MACROD2: variants seen among roughly 807,000 people sequenced by gnomAD.
MACROD2 encodes mono-ADP ribosylhydrolase 2.
A neutral mutation model predicts 70.4 loss-of-function variants in MACROD2; 36 were observed. That is an observed-to-expected ratio of 0.51 (90% CI 0.39 to 0.68). The LOEUF (loss-of-function observed/expected upper bound fraction) is 0.68. MACROD2 is among the 30% of genes least tolerant of loss of function. The pLI, the probability that MACROD2 is intolerant of heterozygous loss-of-function variation, is 0.00. For missense variants in MACROD2, 496 were observed against 538.4 expected (o/e 0.92, Z 0.78); for synonymous variants, 172 against 178.8 (o/e 0.96, Z 0.30).
intron 4 of MACROD2, among the ~76,000 whole-genome samples, chr20:14,558,895 T>C (rs1979239037): frequency 6.6e-6 from 1 of 151,638 alleles, no homozygotes. Flanking sequence ...ATTTATACCA[T>C]ATAGACAAGG....
intron 15 of MACROD2, among the ~76,000 whole-genome samples, chr20:15,997,177 A>T (rs1412914592): frequency 2.6e-5 from 4 of 151,982 alleles, no homozygotes; most frequent in African/African-American, 9.7e-5. Context: ...GATTGCTTTG[A>T]CTATTTGGGA....
chr20:15,614,862 G>GA (rs1046476543), intron 8 of MACROD2, among the ~76,000 whole-genome samples: 34 of 151,122 alleles, frequency 2.2e-4, no homozygotes, highest in African/African-American at 6.1e-4. Flanking sequence ...CTATTCAAGA[G>GA]AAAAAAAAAT....
At chr20:14,455,658 G>C (rs1051927551) in intron 3 of MACROD2, among the ~76,000 whole-genome samples, 2 of 151,660 alleles carry the variant, frequency 1.3e-5, no homozygotes, top group Non-Finnish European at 2.9e-5. Flanking sequence ...CTAAGCAATA[G>C]AATACATAAT....
chr20:14,735,390 GCGTCCACA>G (rs1201571309), intron 5 of MACROD2, among the ~76,000 whole-genome samples: 2 of 152,108 alleles, frequency 1.3e-5, no homozygotes, highest in Non-Finnish European at 2.9e-5. Context: ...ACATGAACAG[GCGTCCACA>G]CTGTCAGTCA....
intron 6 of MACROD2, among the ~76,000 whole-genome samples, chr20:15,307,584 C>T (rs1251895169): frequency 6.6e-6 from 1 of 152,148 alleles, no homozygotes; most frequent in East Asian, 1.9e-4. Context: ...GAACATAATG[C>T]CCTTTACCCC....
intron 6 of MACROD2, among the ~76,000 whole-genome samples, chr20:15,360,566 C>T (rs1322063293): frequency 6.6e-6 from 1 of 151,918 alleles, no homozygotes; most frequent in Non-Finnish European, 1.5e-5. Flanking sequence ...AAAAGTTTAT[C>T]TTAACTTTTA....
At chr20:15,029,567 T>C (rs1260711811) in intron 5 of MACROD2, among the ~76,000 whole-genome samples, 1 of 152,134 alleles carries the variant, frequency 6.6e-6, no homozygotes, top group Non-Finnish European at 1.5e-5. Context: ...GGAAAGAGTT[T>C]CACAAGTCAG....
chr20:15,296,486 A>G (rs1028459541), intron 6 of MACROD2, among the ~76,000 whole-genome samples: 3 of 152,186 alleles, frequency 2.0e-5, no homozygotes, highest in Non-Finnish European at 2.9e-5. Flanking sequence ...TCTGTGGTCA[A>G]AAACAAACAT....
intron 3 of MACROD2, among the ~76,000 whole-genome samples, chr20:14,434,806 T>C (rs1036659848): frequency 6.6e-6 from 1 of 152,174 alleles, no homozygotes; most frequent in Non-Finnish European, 1.5e-5. Flanking sequence ...TTTTTTCCTC[T>C]TTCATCCACT....
At chr20:14,176,977 T>C (rs1273028266) in intron 3 of MACROD2, among the ~76,000 whole-genome samples, 1 of 152,186 alleles carries the variant, frequency 6.6e-6, no homozygotes, top group Admixed American at 6.5e-5. Context: ...GTGAGAAATA[T>C]GCAAAACCTG....
At chr20:16,019,083 G>A (rs557978251) in intron 15 of MACROD2, among the ~76,000 whole-genome samples, 1 of 152,216 alleles carries the variant, frequency 6.6e-6, no homozygotes, top group African/African-American at 2.4e-5. Flanking sequence ...CACTGTTTGG[G>A]CATCATTCAT....
chr20:15,261,678 A>G (rs545879901), intron 6 of MACROD2, among the ~76,000 whole-genome samples: 1 of 152,152 alleles, frequency 6.6e-6, no homozygotes, highest in Non-Finnish European at 1.5e-5. Flanking sequence ...CTGTTTGTAT[A>G]GAACAATTAG....
chr20:14,720,065 T>C (rs1466866171), intron 5 of MACROD2, among the ~76,000 whole-genome samples: 1 of 152,198 alleles, frequency 6.6e-6, no homozygotes, highest in Non-Finnish European at 1.5e-5. Context: ...GCATATAATA[T>C]AAAACAGAGG....
chr20:16,041,164 T>G, intron 15 of MACROD2, 37 bp from the exon 16 acceptor site: 2 of 1,568,188 alleles, frequency 1.3e-6, no homozygotes, highest in Non-Finnish European at 1.8e-6. Context: ...GTTATAATTC[T>G]CTATTCATCA....
chr20:15,353,717 G>C, intron 6 of MACROD2, among the ~76,000 whole-genome samples: 1 of 135,640 alleles, frequency 7.4e-6, no homozygotes, highest in Admixed American at 8.0e-5. Context: ...CTCAAAAGAA[G>C]ACATTTATGC....
At chr20:14,208,545 C>A (rs1277242607) in intron 3 of MACROD2, among the ~76,000 whole-genome samples, 2 of 152,192 alleles carry the variant, frequency 1.3e-5, no homozygotes, top group African/African-American at 4.8e-5. Context: ...CTCAGACTCT[C>A]ATGTGGAAAT....
rs188166619 is a variant in MACROD2 at position 15,176,422 on chromosome 20, C to G, written c.419-53518C>G. Among the ~76,000 whole-genome samples the G allele has an allele frequency of 9.9e-5, 15 of 152,250 alleles. No homozygotes were observed. In the East Asian group the frequency reaches 2.7e-3, roughly 28 times the overall value. ...TTTTTCTGGCCCTGCCCATGGCCACCTATGGACTAATCAGCATGCACTTCC... is the reference window on the plus strand; with the variant it reads ...TTTTTCTGGCCCTGCCCATGGCCACGTATGGACTAATCAGCATGCACTTCC... On this transcript the variant is annotated intron_variant, in intron 5 of 17. Coordinates refer to ENST00000684519, the MANE Select transcript of MACROD2 (RefSeq NM_001351661.2).
chr20:14,532,174 G>A (rs1165499600), intron 4 of MACROD2, among the ~76,000 whole-genome samples: 1 of 150,918 alleles, frequency 6.6e-6, no homozygotes, highest in Non-Finnish European at 1.5e-5. Flanking sequence ...TCTTAGAAAC[G>A]TAGCCTTCAC....
At chr20:15,034,283 T>C (rs2075296852) in intron 5 of MACROD2, among the ~76,000 whole-genome samples, 1 of 152,230 alleles carries the variant, frequency 6.6e-6, no homozygotes, top group East Asian at 1.9e-4. Flanking sequence ...ACGATGTATA[T>C]GCTGCACAAG....
Sources: allele counts gnomAD v4.1 joint callset (sites outside exome capture counted in the v4.1 genomes callset), GRCh38; gene constraint gnomAD v4.1.1; transcripts MANE v1.5; gene names NCBI Gene and HGNC (gene_info 2026-07-23, HGNC 2026-07-21).